The following URB1 variants were observed in gnomAD, a reference collection of about 807,000 sequenced individuals.
URB1 encodes the protein nucleolar pre-ribosomal-associated protein 1.
A neutral mutation model predicts 242.3 loss-of-function variants in URB1; 197 were observed. The ratio of observed to expected loss-of-function variants is 0.81; its 90% CI spans 0.72 to 0.91. URB1 has a LOEUF of 0.91. Ranked by LOEUF, URB1 falls within the 40% of genes least tolerant of loss-of-function variation. The pLI is 0.00. For synonymous variants in URB1, 1,153 were observed against 1,201.8 expected (o/e 0.96, Z 0.84); for missense variants, 2,721 against 2,860.5 (o/e 0.95, Z 1.11).
intron 35 of URB1, among the ~76,000 whole-genome samples, chr21:32,319,806 C>T (rs1405456588): frequency 6.6e-6 from 1 of 152,174 alleles, no homozygotes; most frequent in Non-Finnish European, 1.5e-5. Flanking sequence ...CCCCCACCCA[C>T]TTTTTTTGTT....
intron 15 of URB1, among the ~76,000 whole-genome samples, chr21:32,356,062 C>A (rs2033216660): frequency 6.6e-6 from 1 of 152,154 alleles, no homozygotes; most frequent in African/African-American, 2.4e-5. Context: ...GGGAAACAAG[C>A]AAATCATTCT....
rs1444005226 is a variant in URB1 at position 32,392,783 on chromosome 21, T to C, written c.128A>G (p.Gln43Arg). 5 of 1,490,574 alleles carry C rather than the reference T, an allele frequency of 3.4e-6. No homozygotes were observed. In the Admixed American group the frequency reaches 1.1e-4, roughly 31 times the overall value. 92.3% of individuals were successfully genotyped at this position (1,490,574 alleles called of 1,614,324 possible). A position where few individuals can be genotyped will look rare whatever the true frequency, so the allele number is the denominator to read the frequency against. Residue 43 changes from glutamine (Q) to arginine (R), a missense_variant, in exon 1 of 39, where the codon CAG becomes CGG. Transcript: ENST00000382751. ...CCCGGACTCACCTGGCCCGGGGCCC[T>C]GCGGGTCCTTCAGCTGAGCCTTGAA... ...VRFKAQLKDPQGPGPGLEAFV... is the reference protein window; with the variant it reads ...VRFKAQLKDPRGPGPGLEAFV...
At chr21:32,351,337 A>G (rs2033156103) in intron 19 of URB1, among the ~76,000 whole-genome samples, 1 of 152,188 alleles carries the variant, frequency 6.6e-6, no homozygotes, top group African/African-American at 2.4e-5. Context: ...CTGCGGGTCG[A>G]ATATCTTGTT....
At chr21:32,377,403 C>G (rs1163573299) in intron 5 of URB1, 1 of 475,802 alleles carries the variant, frequency 2.1e-6, no homozygotes, top group Non-Finnish European at 4.0e-6. Flanking sequence ...CAGCCCCCTT[C>G]AACAGTGTAA....
intron 8 of URB1, 144 bp downstream of exon 8, chr21:32,372,363 A>G: frequency 8.8e-7 from 1 of 1,135,354 alleles, no homozygotes; most frequent in South Asian, 1.8e-5. Context: ...GTTCTCTGGG[A>G]CTACAACTGT....
At chr21:32,322,670 G>T in intron 32 of URB1, 86 bp from the exon 33 acceptor site, 1 of 950,854 alleles carries the variant, frequency 1.1e-6, no homozygotes, top group Admixed American at 2.0e-5. Context: ...GGCATTCTGG[G>T]TATCAGACAT....
intron 38 of URB1, among the ~76,000 whole-genome samples, chr21:32,315,313 TTAA>T (rs1568805209): frequency 4.1e-5 from 4 of 97,114 alleles, no homozygotes; most frequent in Non-Finnish European, 5.4e-5. Flanking sequence ...TTTCTTTTCT[TTAA>T]AAAAAAAAAA....
At chr21:32,362,271 C>T (rs193161000) in intron 11 of URB1, among the ~76,000 whole-genome samples, 90 of 151,574 alleles carry the variant, frequency 5.9e-4, no homozygotes, top group African/African-American at 2.0e-3. Context: ...AGTGGGGTGA[C>T]CTCAGCTCAC....
chr21:32,339,635 C>T (rs113293112), intron 25 of URB1, among the ~76,000 whole-genome samples: 4 of 152,154 alleles, frequency 2.6e-5, no homozygotes, highest in East Asian at 3.9e-4. Context: ...GGACTATAGG[C>T]GCCCACCACC....
chr21:32,321,838 G>C lies in URB1; in HGVS notation c.5447C>G (p.Ser1816Cys). 1 of 1,551,732 alleles carries C rather than the reference G, an allele frequency of 6.4e-7. No homozygotes were observed. The highest frequency in any genetic ancestry group is 8.7e-7 in the Non-Finnish European group (1 of 1,147,002). ...ARRGIFHIIL[S>C]FFHSPLCDEA... Reference sequence around the variant, plus strand: ...GTCACACAGCGGGCTGTGGAAGAAGGACAGGATGATGTGGAAGATGCCACG... The same window carrying C: ...GTCACACAGCGGGCTGTGGAAGAAGCACAGGATGATGTGGAAGATGCCACG... The change falls in exon 34 of 39, where the codon TCC (serine) becomes TGC (cysteine). Residue 1816 changes from serine (S) to cysteine (C), a missense_variant. Coordinates refer to ENST00000382751, the MANE Select transcript of URB1 (RefSeq NM_014825.3).
At chr21:32,317,209 G>C (rs1199311787) in intron 37 of URB1, 144 bp from the exon 38 acceptor site, 2 of 1,143,904 alleles carry the variant, frequency 1.7e-6, no homozygotes, top group Admixed American at 5.9e-5. Context: ...CAGGAGCCTG[G>C]TGAGTGCTCG....
At chr21:32,319,800 CA>C (rs1302495873) in intron 35 of URB1, among the ~76,000 whole-genome samples, 3 of 152,202 alleles carry the variant, frequency 2.0e-5, no homozygotes, top group Non-Finnish European at 4.4e-5. Flanking sequence ...TTCTTCCCCC[CA>C]CCCACTTTTT....
rs530382037 is a variant in URB1, at chr21:32,389,400, A to C, written c.142+3369T>G. ...AAGGGTGTCATGAGAGGAGTGACAT[A>C]ATCAGATTTGGAGCTCTGAAGGATC... On this transcript the variant is annotated intron_variant, in intron 1 of 38. Transcript: ENST00000382751. 1.5e-3 allele frequency among the ~76,000 whole-genome samples: 225 copies of C among 152,264 alleles called. 1 individual carries two copies. Among genetic ancestry groups the C allele is most frequent in the Middle Eastern group, 0.01 (3 of 294 alleles).
chr21:32,338,350 T>C (rs2032986518), intron 26 of URB1, among the ~76,000 whole-genome samples: 1 of 152,116 alleles, frequency 6.6e-6, no homozygotes, highest in African/African-American at 2.4e-5. Context: ...CAAGCAGAAA[T>C]TTCATGCAAC....
intron 3 of URB1, 129 bp from the exon 4 acceptor site, chr21:32,383,683 A>C: frequency 1.8e-6 from 2 of 1,110,392 alleles, no homozygotes; most frequent in Non-Finnish European, 2.4e-6. Context: ...AGAAGGAAAA[A>C]GACATGCTCT....
rs2033307820 is a variant in URB1 at position 32,363,148 on chromosome 21, G to C, written c.1509+8C>G. On this transcript the variant is annotated splice_region_variant and intron_variant, in intron 11 of 38. Coordinates refer to ENST00000382751, the MANE Select transcript of URB1 (RefSeq NM_014825.3). ...GGAAGGAAAGCCCAAACCCAGATCA[G>C]AGCCTACCTTGCTCAGGGCTTCTCT... is the stretch of plus-strand genomic sequence containing the variant. 4.5e-6 allele frequency: 7 copies of C among 1,550,524 alleles called. No individual in the cohort carries two copies. In the East Asian group the frequency reaches 1.5e-4, roughly 32 times the overall value.
In URB1 at chr21:32,311,378, G is replaced by A. The variant is rs574900666; in HGVS notation, c.*3540C>T. 28 of 450,038 alleles carry A rather than the reference G, an allele frequency of 6.2e-5. No homozygotes were observed. In the East Asian group the frequency reaches 9.8e-4, roughly 16 times the overall value. The allele number at this position is 450,038 out of a possible 1,614,324, so 27.9% of individuals were successfully genotyped here. A position where few individuals can be genotyped will look rare whatever the true frequency, so the allele number is the denominator to read the frequency against. On this transcript the variant is annotated 3_prime_UTR_variant, in exon 39 of 39. Transcript: ENST00000382751. ...AAAATGAACTACACTCAGATACAGC[G>A]CTGGATGGGAGGTCAACCTGCTCCC...
intron 1 of URB1, 90 bp downstream of exon 1, chr21:32,392,679 A>G: frequency 7.5e-7 from 1 of 1,339,576 alleles, no homozygotes; most frequent in African/African-American, 1.5e-5. Context: ...TGTGACCCGA[A>G]AGCTGCAGAA....
At chr21:32,374,958 G>A (rs77883984) in intron 6 of URB1, among the ~76,000 whole-genome samples, 2,398 of 152,280 alleles carry the variant, frequency 0.016, 66 homozygotes, top group African/African-American at 0.054. Context: ...ATGATTTAAA[G>A]TGTTTCTGTA....
Sources: gnomAD v4.1 joint callset for allele counts (sites outside exome capture counted in the v4.1 genomes callset) on GRCh38, gnomAD v4.1.1 for gene constraint, MANE v1.5 for transcripts, NCBI Gene and HGNC (gene_info 2026-07-23, HGNC 2026-07-21) for gene names.